The following PIK3C2G variants were observed in gnomAD, a reference collection of about 807,000 sequenced individuals.
PIK3C2G encodes phosphatidylinositol-4-phosphate 3-kinase catalytic subunit type 2 gamma.
In PIK3C2G, 168 loss-of-function variants were observed where a neutral mutation model predicts 181.1. That is an observed-to-expected ratio of 0.93 (90% CI 0.82 to 1.05). The LOEUF (loss-of-function observed/expected upper bound fraction) is 1.05. Ranked by LOEUF, PIK3C2G falls within the 50% of genes least tolerant of loss-of-function variation. The pLI, the probability that PIK3C2G is intolerant of heterozygous loss-of-function variation, is 0.00. For synonymous variants in PIK3C2G, 573 were observed against 592.2 expected, an observed-to-expected ratio of 0.97 and a Z score of 0.47; for missense variants, 1,869 against 1,732.8, an observed-to-expected ratio of 1.08 and a Z score of -1.40.
intron 5 of PIK3C2G, among the ~76,000 whole-genome samples, chr12:18,301,243 C>T (rs1287484605): frequency 6.6e-6 from 1 of 152,034 alleles, no homozygotes; most frequent in Non-Finnish European, 1.5e-5. Context: ...ATATAGATTT[C>T]TAAATCCCTA....
At chr12:18,586,404 C>T (rs1157098811) in intron 29 of PIK3C2G, among the ~76,000 whole-genome samples, 4 of 151,920 alleles carry the variant, frequency 2.6e-5, no homozygotes, top group African/African-American at 9.7e-5. Context: ...TACCATTGAC[C>T]TCACAAAAAT....
At chr12:18,552,707 C>A (rs769331311) in intron 26 of PIK3C2G, among the ~76,000 whole-genome samples, 7 of 152,082 alleles carry the variant, frequency 4.6e-5, no homozygotes, top group African/African-American at 1.4e-4. Flanking sequence ...TTTTTAACTG[C>A]AGATATAACC....
chr12:18,466,196 G>T (rs969981260), intron 18 of PIK3C2G, among the ~76,000 whole-genome samples: 1 of 150,234 alleles, frequency 6.7e-6, no homozygotes, highest in African/African-American at 2.5e-5. Context: ...ATAGTGTCTT[G>T]CTCTTATTCA....
chr12:18,267,414 A>G (rs1447841024), intron 1 of PIK3C2G, among the ~76,000 whole-genome samples: 1 of 152,194 alleles, frequency 6.6e-6, no homozygotes, highest in Non-Finnish European at 1.5e-5. Flanking sequence ...ACTTCGTTAT[A>G]CATAGCATAT....
chr12:18,684,582 A>G, the PIK3C2G span, among the ~76,000 whole-genome samples: 1 of 152,086 alleles, frequency 6.6e-6, no homozygotes, highest in Non-Finnish European at 1.5e-5. Context: ...AAGGTTTCAC[A>G]TATGTGGTCA....
chr12:18,620,479 A>G (rs1948804623), intron 31 of PIK3C2G, among the ~76,000 whole-genome samples: 1 of 152,050 alleles, frequency 6.6e-6, no homozygotes, highest in African/African-American at 2.4e-5. Context: ...CTTTACATTT[A>G]AAGTGGGCTT....
At chr12:18,521,400 G>T (rs912022598) in intron 24 of PIK3C2G, among the ~76,000 whole-genome samples, 1 of 152,232 alleles carries the variant, frequency 6.6e-6, no homozygotes, top group African/African-American at 2.4e-5. Flanking sequence ...CGTCCTCTTA[G>T]GGGCTCAGGC....
chr12:18,654,067 A>G, the PIK3C2G span, among the ~76,000 whole-genome samples: 107,403 of 151,802 alleles, frequency 0.71, 38,206 homozygotes, highest in Admixed American at 0.77. Context: ...ATAAAATAGA[A>G]TGTGTCAAAC....
At chr12:18,659,491 G>A in the PIK3C2G span, among the ~76,000 whole-genome samples, 1 of 151,980 alleles carries the variant, frequency 6.6e-6, no homozygotes, top group Non-Finnish European at 1.5e-5. Flanking sequence ...AAAATACCAT[G>A]ATCAAAATCA....
At chr12:18,366,854 T>A (rs893471891) in intron 12 of PIK3C2G, among the ~76,000 whole-genome samples, 2 of 152,034 alleles carry the variant, frequency 1.3e-5, no homozygotes, top group Admixed American at 6.6e-5. Flanking sequence ...GTTAAAAAAA[T>A]TTTCAGTGAA....
At chr12:18,445,963 G>A (rs1160111606) in intron 18 of PIK3C2G, among the ~76,000 whole-genome samples, 2 of 152,098 alleles carry the variant, frequency 1.3e-5, no homozygotes, top group Non-Finnish European at 2.9e-5. Context: ...GAGGAGGACT[G>A]GAGACTTAAT....
At chr12:18,504,885 T>C (rs888569269) in intron 23 of PIK3C2G, among the ~76,000 whole-genome samples, 1 of 152,168 alleles carries the variant, frequency 6.6e-6, no homozygotes, top group African/African-American at 2.4e-5. Flanking sequence ...TATTCAACCA[T>C]TGATATTTTA....
intron 20 of PIK3C2G, among the ~76,000 whole-genome samples, chr12:18,495,561 G>A (rs1237297745): frequency 2.0e-5 from 3 of 152,086 alleles, no homozygotes; most frequent in Admixed American, 6.5e-5. Flanking sequence ...AGATGTATGA[G>A]GGAGAGGTTA....
intron 24 of PIK3C2G, among the ~76,000 whole-genome samples, chr12:18,529,787 G>C (rs1943447261): frequency 6.6e-6 from 1 of 152,124 alleles, no homozygotes; most frequent in African/African-American, 2.4e-5. Context: ...GGTGCTATTG[G>C]AAAGATTTCA....
At chr12:18,534,697 AAAAG>A (rs1943748076) in intron 24 of PIK3C2G, among the ~76,000 whole-genome samples, 1 of 4,548 alleles carries the variant, frequency 2.2e-4, no homozygotes. Context: ...GGATTAAAAA[AAAAG>A]AAAGGCTTCT....
At chr12:18,398,785 A>G (rs964453312) in intron 15 of PIK3C2G, among the ~76,000 whole-genome samples, 2 of 152,226 alleles carry the variant, frequency 1.3e-5, no homozygotes, top group Admixed American at 1.3e-4. Flanking sequence ...TGAACTCTGA[A>G]CATTTAAAGA....
At chr12:18,251,453 A>G (rs1948094773) in intron 1 of PIK3C2G, among the ~76,000 whole-genome samples, 1 of 152,014 alleles carries the variant, frequency 6.6e-6, no homozygotes, top group African/African-American at 2.4e-5. Context: ...TAAGCATGTG[A>G]TAACAGTAGA....
At chr12:18,291,418 C>T (rs1398251433) in intron 4 of PIK3C2G, among the ~76,000 whole-genome samples, 2 of 152,004 alleles carry the variant, frequency 1.3e-5, no homozygotes, top group East Asian at 3.9e-4. Context: ...CATTGTTACA[C>T]AGAATCTCTA....
chr12:18,615,369 GTA>G (rs376971618), intron 31 of PIK3C2G, among the ~76,000 whole-genome samples: 7 of 70,644 alleles, frequency 9.9e-5, no homozygotes, highest in South Asian at 1.2e-3. Context: ...GTGTGTGTGT[GTA>G]TGTGTATATA....
Sources: gnomAD v4.1 joint callset for allele counts (sites outside exome capture counted in the v4.1 genomes callset) on GRCh38, gnomAD v4.1.1 for gene constraint, MANE v1.5 for transcripts, NCBI Gene and HGNC (gene_info 2026-07-23, HGNC 2026-07-21) for gene names.